The following NFIB variants were observed in gnomAD, a reference collection of about 807,000 sequenced individuals.
NFIB encodes nuclear factor 1 B-type.
NFIB carries 11 observed loss-of-function variants against 61.5 expected under a neutral mutation model. That is an observed-to-expected ratio of 0.18 (90% CI 0.11 to 0.30). The LOEUF (loss-of-function observed/expected upper bound fraction) is 0.30, where lower values mean the gene tolerates loss of function less well. Among genes scored for constraint, NFIB ranks in the 10% least tolerant of loss-of-function variants. NFIB has a pLI of 1.00. For synonymous variants in NFIB, 260 were observed against 216.5 expected (o/e 1.20, Z -1.76); for missense variants, 471 against 608.9 (o/e 0.77, Z 2.38).
At chr9:14,363,140 CA>C (rs2061259310) in intron 1 of NFIB, among the ~76,000 whole-genome samples, 1 of 152,056 alleles carries the variant, frequency 6.6e-6, no homozygotes, top group Non-Finnish European at 1.5e-5. Context: ...GAAGTTGCAC[CA>C]AATTTTAGCT....
At chr9:14,217,741 C>T (rs1459857191) in intron 2 of NFIB, among the ~76,000 whole-genome samples, 2 of 150,450 alleles carry the variant, frequency 1.3e-5, no homozygotes, top group Non-Finnish European at 3.0e-5. Flanking sequence ...AAAAATCCTG[C>T]TCCAAACACT....
chr9:14,286,813 T>G (rs772089352), intron 2 of NFIB, among the ~76,000 whole-genome samples: 1 of 151,054 alleles, frequency 6.6e-6, no homozygotes, highest in Non-Finnish European at 1.5e-5. Flanking sequence ...ACAGAATGGC[T>G]TTTAAATGCC....
intron 2 of NFIB, among the ~76,000 whole-genome samples, chr9:14,208,039 T>G (rs903580282): frequency 1.3e-5 from 2 of 152,208 alleles, no homozygotes; most frequent in Non-Finnish European, 2.9e-5. Flanking sequence ...GATGACAAGC[T>G]GCACACAATG....
chr9:14,271,264 C>T (rs1314853929), intron 2 of NFIB, among the ~76,000 whole-genome samples: 4 of 149,848 alleles, frequency 2.7e-5, no homozygotes, highest in African/African-American at 7.3e-5. Context: ...GGCCCAATCT[C>T]GCCTGGGCCA....
chr9:14,190,482 T>C (rs921756485), intron 2 of NFIB, among the ~76,000 whole-genome samples: 4 of 152,308 alleles, frequency 2.6e-5, no homozygotes, highest in East Asian at 3.9e-4. Flanking sequence ...TGGCAGATAA[T>C]AGTATTAAAT....
At chr9:14,239,433 G>C (rs896742117) in intron 2 of NFIB, among the ~76,000 whole-genome samples, 2 of 152,170 alleles carry the variant, frequency 1.3e-5, no homozygotes, top group Non-Finnish European at 1.5e-5. Flanking sequence ...TCAGGAAAAA[G>C]TGCAGGAACT....
chr9:14,251,830 C>T (rs2055663781), intron 2 of NFIB, among the ~76,000 whole-genome samples: 1 of 152,168 alleles, frequency 6.6e-6, no homozygotes, highest in Admixed American at 6.5e-5. Context: ...CAAACAGGTC[C>T]AACTTTTATA....
intron 10 of NFIB, among the ~76,000 whole-genome samples, chr9:14,097,878 T>TC: frequency 6.9e-6 from 1 of 144,262 alleles, no homozygotes. Flanking sequence ...CTTTTTTCTT[T>TC]TTTTTTTTTT....
the NFIB span, among the ~76,000 whole-genome samples, chr9:14,455,685 A>G: frequency 6.6e-6 from 1 of 152,176 alleles, no homozygotes; most frequent in Non-Finnish European, 1.5e-5. Context: ...AAAATGTACC[A>G]TCAAAAAAAG....
intron 6 of NFIB, among the ~76,000 whole-genome samples, chr9:14,130,539 T>C (rs1446368806): frequency 6.6e-6 from 1 of 152,184 alleles, no homozygotes; most frequent in South Asian, 2.1e-4. Flanking sequence ...GCTTGATGAA[T>C]TTTTCATTGT....
At chr9:14,218,616 G>A (rs977661984) in intron 2 of NFIB, among the ~76,000 whole-genome samples, 1 of 152,158 alleles carries the variant, frequency 6.6e-6, no homozygotes, top group South Asian at 2.1e-4. Flanking sequence ...ATTTAATAGT[G>A]TATTTTGGTA....
intron 1 of NFIB, among the ~76,000 whole-genome samples, chr9:14,398,372 T>C (rs2061708584): frequency 1.3e-5 from 2 of 152,202 alleles, no homozygotes; most frequent in Admixed American, 1.3e-4. Flanking sequence ...TTCACCTCAG[T>C]AGTCGCTCTA....
At chr9:14,447,506 GT>G in the NFIB span, among the ~76,000 whole-genome samples, 2 of 152,114 alleles carry the variant, frequency 1.3e-5, no homozygotes, top group African/African-American at 2.4e-5. Flanking sequence ...CACTAAATGA[GT>G]GTGAATTCAG....
intron 2 of NFIB, among the ~76,000 whole-genome samples, chr9:14,288,334 G>A (rs186028978): frequency 6.1e-5 from 9 of 147,622 alleles, no homozygotes; most frequent in South Asian, 2.2e-4. Flanking sequence ...TCAATGTTAC[G>A]ATTCAATAAT....
intron 4 of NFIB, among the ~76,000 whole-genome samples, chr9:14,154,944 C>T (rs899909523): frequency 1.3e-5 from 2 of 152,106 alleles, no homozygotes; most frequent in Admixed American, 1.3e-4. Context: ...TATTCATGAC[C>T]TCTAAATATG....
chr9:14,148,697 T>C (rs1368025491), intron 5 of NFIB, among the ~76,000 whole-genome samples: 1 of 151,602 alleles, frequency 6.6e-6, no homozygotes, highest in Non-Finnish European at 1.5e-5. Flanking sequence ...CTCTTTCCAC[T>C]GCACTGTGTT....
chr9:14,514,724 T>G, the NFIB span, among the ~76,000 whole-genome samples: 6 of 152,270 alleles, frequency 3.9e-5, no homozygotes, highest in East Asian at 1.2e-3. Flanking sequence ...ATTAGCCTCC[T>G]TGATTACTTT....
At chr9:14,429,610 C>G in the NFIB span, among the ~76,000 whole-genome samples, 1 of 152,178 alleles carries the variant, frequency 6.6e-6, no homozygotes, top group Admixed American at 6.5e-5. Context: ...CTTCATCATC[C>G]CTCAATTCTC....
At chr9:14,404,522 A>T in the NFIB span, among the ~76,000 whole-genome samples, 2 of 152,120 alleles carry the variant, frequency 1.3e-5, no homozygotes, top group South Asian at 4.2e-4. Flanking sequence ...TTCCATCATG[A>T]AATTGTTTCC....
Sources: gnomAD v4.1 joint callset for allele counts (sites outside exome capture counted in the v4.1 genomes callset) on GRCh38, gnomAD v4.1.1 for gene constraint, MANE v1.5 for transcripts, NCBI Gene and HGNC (gene_info 2026-07-23, HGNC 2026-07-21) for gene names.